The following SEMA5A variants were observed in gnomAD, a reference collection of about 807,000 sequenced individuals.
The protein encoded by SEMA5A is semaphorin 5A, also known as semaphorin-5A.
SEMA5A carries 55 observed loss-of-function variants against 135.5 expected under a neutral mutation model. The ratio of observed to expected loss-of-function variants is 0.41; its 90% confidence interval spans 0.33 to 0.51. The LOEUF (loss-of-function observed/expected upper bound fraction) is 0.51. SEMA5A is among the 20% of genes least tolerant of loss of function. The pLI is 0.37. For missense variants in SEMA5A, 1,290 were observed against 1,419.9 expected (o/e 0.91, Z 1.47); for synonymous variants, 580 against 546.5 (o/e 1.06, Z -0.85).
intron 4 of SEMA5A, among the ~76,000 whole-genome samples, chr5:9,328,001 T>C (rs1007740029): frequency 6.6e-6 from 1 of 152,202 alleles, no homozygotes; most frequent in Non-Finnish European, 1.5e-5. Context: ...CCATATACAA[T>C]TAATTTTCTA....
intron 11 of SEMA5A, among the ~76,000 whole-genome samples, chr5:9,158,560 G>A (rs1372903662): frequency 1.3e-5 from 2 of 151,560 alleles, no homozygotes; most frequent in Non-Finnish European, 2.9e-5. Flanking sequence ...TTCCCAAGGA[G>A]AGACGACAAT....
At chr5:9,182,939 T>C (rs1418968326) in intron 11 of SEMA5A, among the ~76,000 whole-genome samples, 1 of 152,126 alleles carries the variant, frequency 6.6e-6, no homozygotes, top group East Asian at 1.9e-4. Context: ...TAGATTAAAA[T>C]CTGAATTTTT....
intron 11 of SEMA5A, among the ~76,000 whole-genome samples, chr5:9,176,415 A>G (rs1287104073): frequency 6.6e-6 from 1 of 152,214 alleles, no homozygotes; most frequent in Non-Finnish European, 1.5e-5. Context: ...TTCAGATGAG[A>G]CTGCAGCCCT....
chr5:9,308,868 T>C (rs1442619898), intron 5 of SEMA5A, among the ~76,000 whole-genome samples: 11 of 152,274 alleles, frequency 7.2e-5, no homozygotes, highest in Middle Eastern at 6.8e-3. Context: ...GAGATGATGC[T>C]TGCAAAGTGC....
At chr5:9,215,921 G>T (rs1308386655) in intron 8 of SEMA5A, among the ~76,000 whole-genome samples, 1 of 151,580 alleles carries the variant, frequency 6.6e-6, no homozygotes, top group Non-Finnish European at 1.5e-5. Flanking sequence ...ATTGTTTGTT[G>T]TCTAGATGAG....
At chr5:9,347,431 C>T (rs1181099103) in intron 3 of SEMA5A, among the ~76,000 whole-genome samples, 2 of 152,188 alleles carry the variant, frequency 1.3e-5, no homozygotes, top group African/African-American at 2.4e-5. Context: ...GGCAGGCTTC[C>T]TGGTGGATGT....
intron 11 of SEMA5A, among the ~76,000 whole-genome samples, chr5:9,189,386 C>T (rs1561002334): frequency 8.8e-6 from 1 of 113,156 alleles, no homozygotes; most frequent in Admixed American, 9.4e-5. Context: ...TAGATAGTAG[C>T]AACTTCATGA....
At chr5:9,493,891 G>C (rs1735163957) in intron 1 of SEMA5A, among the ~76,000 whole-genome samples, 2 of 152,178 alleles carry the variant, frequency 1.3e-5, no homozygotes, top group Non-Finnish European at 2.9e-5. Flanking sequence ...GTATCTGTTT[G>C]AATTTGTTTC....
rs1332837567 is a variant in SEMA5A at position 9,118,960 on chromosome 5, G to A, written c.1925+38C>T. On this transcript the variant is annotated intron_variant, in intron 15 of 22. Transcript: ENST00000382496. ...CGACCTGGCCGGAATGAGAGTAAGC[G>A]TGAGGCTGGCGGTGCTGGCAGCAGG... 1.9e-6 allele frequency: 3 copies of A among 1,605,046 alleles called. No individual in the cohort carries two copies. In the South Asian group the frequency reaches 3.3e-5, roughly 18 times the overall value.
chr5:9,089,031 T>C (rs1165290342), intron 16 of SEMA5A, among the ~76,000 whole-genome samples: 3 of 152,272 alleles, frequency 2.0e-5, no homozygotes, highest in Non-Finnish European at 4.4e-5. Context: ...CACTACTCCT[T>C]CTTTGTGCTA....
chr5:9,395,027 T>A (rs1446975540), intron 2 of SEMA5A, among the ~76,000 whole-genome samples: 1 of 152,154 alleles, frequency 6.6e-6, no homozygotes, highest in Non-Finnish European at 1.5e-5. Context: ...CGTAGGAAAA[T>A]TTTTAAAAAT....
chr5:9,386,710 G>C (rs1755909159), intron 2 of SEMA5A, among the ~76,000 whole-genome samples: 2 of 152,234 alleles, frequency 1.3e-5, no homozygotes, highest in Non-Finnish European at 2.9e-5. Flanking sequence ...TTGCCTTGGA[G>C]AGACCCAGAC....
chr5:9,458,337 G>C (rs1187679902), intron 1 of SEMA5A, among the ~76,000 whole-genome samples: 1 of 152,180 alleles, frequency 6.6e-6, no homozygotes, highest in Non-Finnish European at 1.5e-5. Flanking sequence ...AAATCATCAA[G>C]TCTGCTACCT....
At chr5:9,171,499 T>C (rs888225257) in intron 11 of SEMA5A, among the ~76,000 whole-genome samples, 4 of 152,152 alleles carry the variant, frequency 2.6e-5, no homozygotes, top group Non-Finnish European at 5.9e-5. Flanking sequence ...AAAGATTCAG[T>C]CACTAAACAT....
At chr5:9,162,193 T>C (rs1490202159) in intron 11 of SEMA5A, among the ~76,000 whole-genome samples, 1 of 152,170 alleles carries the variant, frequency 6.6e-6, no homozygotes, top group African/African-American at 2.4e-5. Context: ...TGTGTCTCTT[T>C]TATGAATAAC....
intron 2 of SEMA5A, among the ~76,000 whole-genome samples, chr5:9,407,642 T>C (rs1303266754): frequency 6.6e-6 from 1 of 152,200 alleles, no homozygotes; most frequent in Non-Finnish European, 1.5e-5. Context: ...AGTGTTCACC[T>C]GTGGAAGAGG....
chr5:9,438,866 A>G (rs942657794), intron 1 of SEMA5A, among the ~76,000 whole-genome samples: 4 of 152,198 alleles, frequency 2.6e-5, no homozygotes, highest in African/African-American at 7.2e-5. Flanking sequence ...CCTGCAGAAA[A>G]TGAACTGAAC....
At chr5:9,488,399 G>C (rs1481821153) in intron 1 of SEMA5A, among the ~76,000 whole-genome samples, 1 of 152,158 alleles carries the variant, frequency 6.6e-6, no homozygotes. Flanking sequence ...GATGACTCCA[G>C]ATGCAAAATA....
chr5:9,081,925 C>T (rs1273875127), intron 16 of SEMA5A, among the ~76,000 whole-genome samples: 3 of 152,112 alleles, frequency 2.0e-5, no homozygotes, highest in African/African-American at 4.8e-5. Flanking sequence ...TCCTAAAAGG[C>T]GACTCCACAG....
Sources: allele counts gnomAD v4.1 joint callset (sites outside exome capture counted in the v4.1 genomes callset), GRCh38; gene constraint gnomAD v4.1.1; transcripts MANE v1.5; gene names NCBI Gene and HGNC (gene_info 2026-07-23, HGNC 2026-07-21).